PLCB4: variants seen among roughly 807,000 people sequenced by gnomAD.
PLCB4 encodes phospholipase C beta 4.
Under a neutral mutation model 178.8 loss-of-function variants are expected in PLCB4, and 77 were observed. The observed-to-expected ratio is 0.43, with a 90% CI of 0.36 to 0.52. The LOEUF (loss-of-function observed/expected upper bound fraction) is 0.52, where lower values mean the gene tolerates loss of function less well. Ranked by LOEUF, PLCB4 falls within the 20% of genes least tolerant of loss-of-function variation. PLCB4 has a pLI of 0.00. For synonymous variants in PLCB4, 496 were observed against 490.8 expected (o/e 1.01, Z -0.14); for missense variants, 1,024 against 1,453.4 (o/e 0.70, Z 4.80).
chr20:9,438,495 A>C (rs2041919284), intron 30 of PLCB4, among the ~76,000 whole-genome samples: 1 of 152,168 alleles, frequency 6.6e-6, no homozygotes, highest in Admixed American at 6.5e-5. Flanking sequence ...CATTGAGAGA[A>C]GTAGAGGAGT....
chr20:9,240,087 A>G (rs971334444), intron 3 of PLCB4, among the ~76,000 whole-genome samples: 1 of 152,166 alleles, frequency 6.6e-6, no homozygotes, highest in African/African-American at 2.4e-5. Context: ...ACCCTCACAG[A>G]CACACTGAGG....
intron 38 of PLCB4, among the ~76,000 whole-genome samples, chr20:9,474,675 A>AAAAAT (rs77558691): frequency 0.17 from 25,000 of 151,272 alleles, 2,345 homozygotes; most frequent in South Asian, 0.32. Flanking sequence ...TTGAGAAAGT[A>AAAAAT]AAAATAAAAT....
At position 9,151,274 on chromosome 20, in the gene PLCB4, A is replaced by G. The variant is rs555994011; in HGVS notation, c.-79+54932A>G. On this transcript the variant is annotated intron_variant, in intron 2 of 39. Coordinates refer to ENST00000378473, the MANE Select transcript of PLCB4 (RefSeq NM_001377142.1). Reference sequence around the variant, plus strand: ...ATATACAAATATTATGCCATTTTATATAAGGGACTTGAGCATCTGTGAGTT... The same window carrying G: ...ATATACAAATATTATGCCATTTTATGTAAGGGACTTGAGCATCTGTGAGTT... Among the ~76,000 whole-genome samples the G allele has an allele frequency of 4.3e-4, 65 of 152,308 alleles. No homozygotes were observed. The Middle Eastern group carries it at 0.01, about 24-fold the overall frequency.
At chr20:9,444,867 A>G (rs2042319513) in intron 32 of PLCB4, among the ~76,000 whole-genome samples, 1 of 152,202 alleles carries the variant, frequency 6.6e-6, no homozygotes, top group Non-Finnish European at 1.5e-5. Flanking sequence ...TCACTGTCAC[A>G]TAGTTTGCCA....
rs753107422 is a variant in PLCB4, at chr20:9,478,957, G to C, written c.3569G>C (p.Arg1190Pro). The C allele has an allele frequency of 6.2e-7, 1 of 1,613,708 alleles. No homozygotes were observed. Among genetic ancestry groups the C allele is most frequent in the East Asian group, 2.2e-5 (1 of 44,882 alleles). ...GDAADGEIGS[R>P]DGPQTSNSSM... ...GCAGCAGATGGTGAAATTGGAAGCC[G>C]AGATGGACCGCAGACCAGCAACAGT... Residue 1190 changes from arginine to proline, a missense_variant, in exon 40 of 40, where the codon CGA becomes CCA. Around this residue, in one of 7 missense-constraint regions of PLCB4, gnomAD observed 264 missense variants for 283.2 expected, o/e 0.93. Coordinates refer to ENST00000378473, the MANE Select transcript of PLCB4 (RefSeq NM_001377142.1).
chr20:9,122,235 G>A (rs1254178161), intron 2 of PLCB4, among the ~76,000 whole-genome samples: 1 of 151,946 alleles, frequency 6.6e-6, no homozygotes, highest in African/African-American at 2.4e-5. Context: ...GATCACTGTT[G>A]TTTTACCACA....
At chr20:9,276,502 T>A (rs1458237818) in intron 3 of PLCB4, among the ~76,000 whole-genome samples, 2 of 152,030 alleles carry the variant, frequency 1.3e-5, no homozygotes, top group Non-Finnish European at 2.9e-5. Flanking sequence ...GAATCAAGCC[T>A]CTGGGTACAT....
chr20:9,099,034 C>CT (rs2091039784), intron 2 of PLCB4, among the ~76,000 whole-genome samples: 1 of 151,564 alleles, frequency 6.6e-6, no homozygotes, highest in African/African-American at 2.4e-5. Context: ...TTAAGAGGTG[C>CT]TTTTTTATTA....
chr20:9,159,675 G>T (rs1012151610), intron 2 of PLCB4, among the ~76,000 whole-genome samples: 1 of 152,144 alleles, frequency 6.6e-6, no homozygotes, highest in Non-Finnish European at 1.5e-5. Flanking sequence ...AGATGATTCC[G>T]TTAGCAGTAG....
In PLCB4 at chr20:9,462,237, C is replaced by T. The variant is rs536889989; in HGVS notation, c.3248+2427C>T. ...GCATCATCATCAACAAAAAGTTCAT[C>T]TACACCAAAACCCCATCTGTAGGTC... On this transcript the variant is annotated intron_variant, in intron 35 of 39. Transcript: ENST00000378473. Among the ~76,000 whole-genome samples, 5 of 152,288 alleles carry T rather than the reference C, an allele frequency of 3.3e-5. No homozygotes were observed. In the East Asian group the frequency reaches 9.7e-4, roughly 29 times the overall value.
chr20:9,357,606 G>T (rs2034951960), intron 7 of PLCB4, among the ~76,000 whole-genome samples: 2 of 152,112 alleles, frequency 1.3e-5, no homozygotes, highest in African/African-American at 4.8e-5. Flanking sequence ...AGGTGATTAG[G>T]TCATGAGTGT....
intron 32 of PLCB4, among the ~76,000 whole-genome samples, chr20:9,450,635 T>TTTCGGTTAGGCAAAAGAC (rs2042697284): frequency 6.6e-6 from 1 of 151,392 alleles, no homozygotes; most frequent in South Asian, 2.1e-4. Flanking sequence ...GGTACCTAAC[T>TTTCGGTTAGGCAAAAGAC]CAGTTTTCTT....
chr20:9,458,879 G>C (rs1478777308), intron 34 of PLCB4, among the ~76,000 whole-genome samples: 1 of 152,166 alleles, frequency 6.6e-6, no homozygotes, highest in Non-Finnish European at 1.5e-5. Flanking sequence ...GGGTGGGGAG[G>C]ACTTTCTACC....
At chr20:9,440,125 G>A (rs2042021452) in intron 30 of PLCB4, among the ~76,000 whole-genome samples, 1 of 152,188 alleles carries the variant, frequency 6.6e-6, no homozygotes, top group East Asian at 1.9e-4. Context: ...GTTCTAAAAT[G>A]GAGGTGAAAG....
chr20:9,390,298 CT>C (rs1022847559), intron 16 of PLCB4, among the ~76,000 whole-genome samples: 1 of 152,172 alleles, frequency 6.6e-6, no homozygotes, highest in Non-Finnish European at 1.5e-5. Context: ...ATTTGATGAA[CT>C]TGAAAGACAT....
chr20:9,358,189 G>A (rs1226278457), intron 7 of PLCB4, among the ~76,000 whole-genome samples: 5 of 152,172 alleles, frequency 3.3e-5, no homozygotes, highest in Non-Finnish European at 7.3e-5. Context: ...TGATTCAGCC[G>A]GAGGCCTGAT....
intron 2 of PLCB4, among the ~76,000 whole-genome samples, chr20:9,205,709 G>A (rs1317994651): frequency 8.5e-5 from 13 of 152,140 alleles, no homozygotes; most frequent in Non-Finnish European, 1.5e-5. Context: ...AATTCATTAT[G>A]ACACGACCAC....
At chr20:9,237,712 AATAG>A (rs1000792859) in intron 3 of PLCB4, among the ~76,000 whole-genome samples, 81 of 152,368 alleles carry the variant, frequency 5.3e-4, no homozygotes, top group African/African-American at 1.9e-3. Flanking sequence ...AAGTGGTGTT[AATAG>A]ATACTTTGCA....
At chr20:9,397,651 G>T (rs760844040) in intron 19 of PLCB4, among the ~76,000 whole-genome samples, 2 of 152,182 alleles carry the variant, frequency 1.3e-5, no homozygotes, top group Non-Finnish European at 2.9e-5. Context: ...AAGTGATTCA[G>T]TTGCATGTCC....
Sources: gnomAD v4.1 joint callset for allele counts (sites outside exome capture counted in the v4.1 genomes callset) on GRCh38, gnomAD v4.1.1 for gene constraint, gnomAD v4.1.1 regional missense constraint, MANE v1.5 for transcripts, NCBI Gene and HGNC (gene_info 2026-07-23, HGNC 2026-07-21) for gene names.